The following RUVBL1 variants were observed in gnomAD, a reference collection of about 807,000 sequenced individuals.
The protein encoded by RUVBL1 is ruvB-like 1.
RUVBL1 carries 4 observed loss-of-function variants against 52.4 expected under a neutral mutation model. The observed-to-expected ratio is 0.08, with a 90% CI of 0.04 to 0.17. The LOEUF (loss-of-function observed/expected upper bound fraction) is 0.17, where lower values mean the gene tolerates loss of function less well. Ranked by LOEUF, RUVBL1 falls within the 10% of genes least tolerant of loss-of-function variation. The pLI is 1.00. For missense variants in RUVBL1, 298 were observed against 572.8 expected (o/e 0.52, Z 4.90); for synonymous variants, 217 against 214.4 (o/e 1.01, Z -0.10).
At chr3:128,123,905 C>G, upstream of RUVBL1, 1 of 1,250,910 alleles carries the variant, frequency 8.0e-7, no homozygotes, top group Non-Finnish European at 1.0e-6. Context: ...GCGCCCATCG[C>G]GGCTGCTGCT....
At chr3:128,113,175 G>A (rs1295781121) in intron 2 of RUVBL1, among the ~76,000 whole-genome samples, 155 bp from the exon 3 acceptor site, 2 of 152,178 alleles carry the variant, frequency 1.3e-5, no homozygotes, top group Non-Finnish European at 2.9e-5. Context: ...GACTTTTGTG[G>A]ACAGTCAATT....
At chr3:128,125,077 C>A (rs1219590685), upstream of RUVBL1, among the ~76,000 whole-genome samples, 1 of 128,690 alleles carries the variant, frequency 7.8e-6, no homozygotes, top group African/African-American at 3.0e-5. Context: ...TGCAGTGGCG[C>A]AATCTCGGCT....
At position 128,067,596 on chromosome 3, in the gene RUVBL1, G is replaced by T; in HGVS notation, c.940-2376C>A. The T allele has an allele frequency of 6.2e-7, 1 of 1,611,180 alleles. No homozygotes were observed. Among genetic ancestry groups the T allele is most frequent in the Non-Finnish European group, 8.5e-7 (1 of 1,178,540 alleles). ...TCCAAAACGTGGATTGAGGTCTCAGGTTCCTCTGCCAAAGATGTAAGTAGA... is the reference window on the plus strand; with the variant it reads ...TCCAAAACGTGGATTGAGGTCTCAGTTTCCTCTGCCAAAGATGTAAGTAGA... On this transcript the variant is annotated intron_variant, in intron 9 of 9. Transcript: ENST00000464873. This position sits in a 1 kb window ranked among gnomAD's most constrained non-coding sequence, Gnocchi z 4.1.
intron 7 of RUVBL1, 62 bp downstream of exon 7, chr3:128,098,820 C>T: frequency 7.2e-7 from 1 of 1,383,330 alleles, no homozygotes; most frequent in Non-Finnish European, 1.0e-6. Flanking sequence ...GCCGCAAGAG[C>T]ATCTCAGAAT....
intron 1 of RUVBL1, chr3:128,142,077 AGCAAGG>A (rs1944031532): frequency 6.6e-6 from 1 of 152,334 alleles, no homozygotes; most frequent in Non-Finnish European, 1.5e-5. Context: ...AGGTCAGGTT[AGCAAGG>A]GCAAAGCCCA....
intron 1 of RUVBL1, among the ~76,000 whole-genome samples, chr3:128,146,779 G>C (rs139512880): frequency 6.6e-6 from 1 of 152,020 alleles, no homozygotes; most frequent in African/African-American, 2.4e-5. Context: ...GTCTCTGTGC[G>C]TGTGCACGTG....
At chr3:128,074,391 A>AT (rs1942249181) in intron 9 of RUVBL1, among the ~76,000 whole-genome samples, 2 of 151,802 alleles carry the variant, frequency 1.3e-5, no homozygotes, top group South Asian at 2.1e-4. Flanking sequence ...AAAAAAAAAA[A>AT]TTCTAACAGT....
intron 9 of RUVBL1, among the ~76,000 whole-genome samples, chr3:128,071,927 C>T (rs1942179136): frequency 6.6e-6 from 1 of 152,238 alleles, no homozygotes; most frequent in Non-Finnish European, 1.5e-5. Flanking sequence ...AGTGCACTGG[C>T]TGTCCCGTGA....
At chr3:128,076,735 A>C (rs1576434570), downstream of RUVBL1, among the ~76,000 whole-genome samples, 1 of 151,650 alleles carries the variant, frequency 6.6e-6, no homozygotes. This position sits in a 1 kb window ranked among gnomAD's most constrained non-coding sequence, Gnocchi z 6.8. Flanking sequence ...CCCCGTGAAA[A>C]CCTGCGCCGT....
At chr3:128,065,536 T>C (rs9819775) in intron 9 of RUVBL1, among the ~76,000 whole-genome samples, 1,558 of 152,276 alleles carry the variant, frequency 0.01, 15 homozygotes, top group Non-Finnish European at 0.016. Context: ...TTTGTATTTT[T>C]TGATGGTCCA....
chr3:128,115,059 G>A (rs1943489539), intron 2 of RUVBL1, among the ~76,000 whole-genome samples: 1 of 151,886 alleles, frequency 6.6e-6, no homozygotes, highest in South Asian at 2.1e-4. Context: ...AAGACTTCCA[G>A]AGGGAAAGTA....
intron 8 of RUVBL1, among the ~76,000 whole-genome samples, chr3:128,094,637 C>A (rs998002252): frequency 6.6e-6 from 1 of 152,202 alleles, no homozygotes; most frequent in Non-Finnish European, 1.5e-5. Context: ...TGGAGATAAC[C>A]TCAACTGCTC....
At chr3:128,153,572 C>T in exon 1 of RUVBL1, 2 of 1,546,774 alleles carry the variant, frequency 1.3e-6, no homozygotes. Context: ...GGCAAGACGG[C>T]GCTGGCGCGG....
Position 128,114,943 on chromosome 3 carries a change from C to T in RUVBL1, c.229-1923G>A, listed in dbSNP as rs180710093. Among the ~76,000 whole-genome samples, 11 of 152,158 alleles carry T rather than the reference C, an allele frequency of 7.2e-5. No homozygotes were observed. The East Asian group carries it at 1.9e-3, about 27-fold the overall frequency. Reference sequence around the variant, plus strand: ...ACCACATCCAATTCAATGGCACTCTCCCTCCCTTTAACTAATACAGAAGAG... The same window carrying T: ...ACCACATCCAATTCAATGGCACTCTTCCTCCCTTTAACTAATACAGAAGAG... On this transcript the variant is annotated intron_variant, in intron 2 of 10. Transcript: ENST00000322623.
In RUVBL1 at chr3:128,100,607, A is replaced by G. The variant is rs1297874162; in HGVS notation, c.741T>C (p.Asn247=). The G allele has an allele frequency of 2.5e-6, 4 of 1,609,954 alleles. No homozygotes were observed. The highest frequency in any genetic ancestry group is 3.4e-6 in the Non-Finnish European group (4 of 1,178,574). The change falls in exon 6 of 11, where the codon AAT becomes AAC. Residue 247 remains asparagine, a synonymous_variant. Transcript: ENST00000322623. ...DVTLHDLDVA[N]ARPQGGQDIL... is the part of the protein sequence containing the mutation. ...ATCGAGGCAGTACCTGGGGCCGCGC[A>G]TTAGCCACATCCAAGTCATGCAAGG...
At chr3:128,141,056 T>G (rs961050914) in intron 1 of RUVBL1, among the ~76,000 whole-genome samples, 6 of 152,238 alleles carry the variant, frequency 3.9e-5, no homozygotes, top group African/African-American at 1.4e-4. Context: ...GGTTTCTGAC[T>G]ATTTCTGGTA....
chr3:128,099,043 G>C, intron 6 of RUVBL1, 98 bp from the exon 7 acceptor site: 1 of 979,430 alleles, frequency 1.0e-6, no homozygotes, highest in Non-Finnish European at 1.6e-6. Flanking sequence ...ATGGGATCCT[G>C]AGGTATGGAG....
intron 1 of RUVBL1, among the ~76,000 whole-genome samples, chr3:128,138,875 A>G (rs1576488061): frequency 6.6e-6 from 1 of 152,178 alleles, no homozygotes; most frequent in Non-Finnish European, 1.5e-5. Flanking sequence ...GTCTAATGGA[A>G]TAGAATAGAG....
At chr3:128,091,857 C>CA (rs1159810081) in intron 8 of RUVBL1, among the ~76,000 whole-genome samples, 1 of 152,190 alleles carries the variant, frequency 6.6e-6, no homozygotes, top group Non-Finnish European at 1.5e-5. Context: ...CCCAGCGGAA[C>CA]AAATTTGCCC....
Sources: gnomAD v4.1 joint callset for allele counts (sites outside exome capture counted in the v4.1 genomes callset) on GRCh38, gnomAD v4.1.1 for gene constraint, Gnocchi (gnomAD v3.1) non-coding constraint, MANE v1.5 for transcripts, NCBI Gene and HGNC (gene_info 2026-07-23, HGNC 2026-07-21) for gene names.